Variants in PTPRM observed in about 807,000 individuals in gnomAD.
The protein encoded by PTPRM is protein tyrosine phosphatase receptor type M, also known as receptor-type tyrosine-protein phosphatase mu.
A neutral mutation model predicts 186.7 loss-of-function variants in PTPRM; 47 were observed. The observed-to-expected ratio is 0.25, with a 90% CI of 0.20 to 0.32. PTPRM has a LOEUF of 0.32. Ranked by LOEUF, PTPRM falls within the 10% of genes least tolerant of loss-of-function variation. The pLI, the probability that PTPRM is intolerant of heterozygous loss-of-function variation, is 1.00. For missense variants in PTPRM, 1,494 were observed against 1,865.0 expected, an observed-to-expected ratio of 0.80 and a Z score of 3.66; for synonymous variants, 668 against 674.9, an observed-to-expected ratio of 0.99 and a Z score of 0.16.
intron 7 of PTPRM, among the ~76,000 whole-genome samples, chr18:8,065,912 C>T (rs147453323): frequency 1.3e-5 from 2 of 152,236 alleles, no homozygotes; most frequent in East Asian, 1.9e-4. Flanking sequence ...CATTTGTTTC[C>T]TACAGTGTAA....
At chr18:7,596,556 G>A (rs1420740548) in intron 1 of PTPRM, among the ~76,000 whole-genome samples, 1 of 152,078 alleles carries the variant, frequency 6.6e-6, no homozygotes, top group Non-Finnish European at 1.5e-5. Flanking sequence ...ATTATTAGTT[G>A]TTAATCTTTT....
intron 1 of PTPRM, among the ~76,000 whole-genome samples, chr18:7,696,518 C>A (rs975598226): frequency 6.6e-6 from 1 of 152,170 alleles, no homozygotes; most frequent in Non-Finnish European, 1.5e-5. Context: ...ACTTCATTAG[C>A]TGTAGAGGTG....
At chr18:7,974,399 G>A (rs1257536685) in intron 7 of PTPRM, among the ~76,000 whole-genome samples, 1 of 152,166 alleles carries the variant, frequency 6.6e-6, no homozygotes, top group East Asian at 1.9e-4. Flanking sequence ...AGCTTACAGA[G>A]ATTCCCAGAG....
chr18:7,672,493 G>T (rs1411083859), intron 1 of PTPRM, among the ~76,000 whole-genome samples: 1 of 151,766 alleles, frequency 6.6e-6, no homozygotes, highest in Non-Finnish European at 1.5e-5. Context: ...GGAACAAAAA[G>T]AATGAGAAAC....
intron 9 of PTPRM, among the ~76,000 whole-genome samples, chr18:8,078,344 C>G (rs977823592): frequency 6.6e-6 from 1 of 152,176 alleles, no homozygotes; most frequent in African/African-American, 2.4e-5. Flanking sequence ...CATGTTGACC[C>G]AGATTCAGTA....
At chr18:8,282,422 G>A (rs780970169) in intron 19 of PTPRM, among the ~76,000 whole-genome samples, 2 of 152,196 alleles carry the variant, frequency 1.3e-5, no homozygotes, top group Non-Finnish European at 2.9e-5. Context: ...CAGCACTTTG[G>A]AAGGCTGAGG....
Position 8,376,147 on chromosome 18 carries a change from G to T in PTPRM, c.3273G>T (p.Arg1091=), listed in dbSNP as rs1488485475. Residue 1091 remains arginine (R), a synonymous_variant, in exon 25 of 33, where the codon CGG becomes CGT. Coordinates refer to ENST00000580170, the MANE Select transcript of PTPRM (RefSeq NM_001105244.2). ...CCACCGGCCTGCTGGGATTCGTGCG[G>T]CAAGTCAAGTCCAAGAGCCCGCCCA... ...YHATGLLGFV[R]QVKSKSPPSA... The T allele has an allele frequency of 6.2e-7, 1 of 1,613,858 alleles. No homozygotes were observed.
intron 1 of PTPRM, among the ~76,000 whole-genome samples, chr18:7,626,891 A>G (rs1567991355): frequency 6.6e-6 from 1 of 152,218 alleles, no homozygotes; most frequent in East Asian, 1.9e-4. Flanking sequence ...TGTAGACACA[A>G]GGTCTCGCTC....
At chr18:7,988,107 T>C (rs540681001) in intron 7 of PTPRM, among the ~76,000 whole-genome samples, 192 of 151,934 alleles carry the variant, frequency 1.3e-3, no homozygotes, top group African/African-American at 4.3e-3. Context: ...ATCGCTTGAG[T>C]CTGGGAGGTT....
chr18:7,795,086 A>G (rs1262655544), intron 2 of PTPRM, among the ~76,000 whole-genome samples: 4 of 152,196 alleles, frequency 2.6e-5, no homozygotes, highest in Non-Finnish European at 4.4e-5. Context: ...TGATCACCAG[A>G]TGTACTAAGA....
At chr18:7,723,370 T>TA (rs1487521461) in intron 1 of PTPRM, among the ~76,000 whole-genome samples, 8 of 152,312 alleles carry the variant, frequency 5.3e-5, no homozygotes, top group African/African-American at 1.9e-4. Context: ...AGTCAGTAGA[T>TA]ACCATTAACC....
chr18:8,295,414 G>A (rs75504305), intron 19 of PTPRM, among the ~76,000 whole-genome samples: 11,911 of 143,832 alleles, frequency 0.083, 538 homozygotes, highest in Non-Finnish European at 0.1. Context: ...AGAGAACTGA[G>A]AGAACTTGAA....
At position 8,394,451 on chromosome 18, in the gene PTPRM, A is replaced by T. The variant is rs543065190; in HGVS notation, c.4209-25A>T. On this transcript the variant is annotated intron_variant, in intron 31 of 32. Transcript: ENST00000580170. ...TGCAGTGTAAAGACAGACCGAGTGC[A>T]GTCATCTGATCTTTTTCACGACAGG... is the stretch of plus-strand genomic sequence containing the variant. 1.9e-6 allele frequency: 3 copies of T among 1,598,052 alleles called. No homozygotes were observed. The South Asian group carries it at 3.4e-5, about 18-fold the overall frequency.
chr18:8,048,321 A>C lies in PTPRM; in HGVS notation c.1133-21365A>C, dbSNP rs149274271. ...AGTTGTTTTATTTGTAACAGAAATAATTTCAAGTTAGAACCTGTATTTTCC... is the reference window on the plus strand; with the variant it reads ...AGTTGTTTTATTTGTAACAGAAATACTTTCAAGTTAGAACCTGTATTTTCC... On this transcript the variant is annotated intron_variant, in intron 7 of 32. Coordinates refer to ENST00000580170, the MANE Select transcript of PTPRM (RefSeq NM_001105244.2). Among the ~76,000 whole-genome samples the C allele has an allele frequency of 2.3e-3, 353 of 152,230 alleles. 5 individuals carry two copies. In the South Asian group the frequency reaches 0.03, roughly 13 times the overall value.
At chr18:7,979,573 G>A (rs537135946) in intron 7 of PTPRM, among the ~76,000 whole-genome samples, 6 of 152,130 alleles carry the variant, frequency 3.9e-5, no homozygotes, top group South Asian at 2.1e-4. Flanking sequence ...CCCAAAGATC[G>A]TGCAGAGCTC....
At chr18:7,942,644 G>A (rs140972825) in intron 5 of PTPRM, among the ~76,000 whole-genome samples, 4 of 151,938 alleles carry the variant, frequency 2.6e-5, no homozygotes, top group East Asian at 2.0e-4. Flanking sequence ...CCTGCTTGGT[G>A]GGGGGGCGGG....
At chr18:7,634,211 G>A (rs1043971589) in intron 1 of PTPRM, among the ~76,000 whole-genome samples, 2 of 151,980 alleles carry the variant, frequency 1.3e-5, no homozygotes, top group Non-Finnish European at 2.9e-5. Context: ...CCGTGAGAAT[G>A]TTCATTCCAT....
chr18:7,987,822 A>G (rs1436716136), intron 7 of PTPRM, among the ~76,000 whole-genome samples: 1 of 152,130 alleles, frequency 6.6e-6, no homozygotes, highest in Non-Finnish European at 1.5e-5. Flanking sequence ...TTATTTTGAA[A>G]TTTTAAGTAA....
At chr18:7,691,831 C>T (rs117719904) in intron 1 of PTPRM, among the ~76,000 whole-genome samples, 5,932 of 151,178 alleles carry the variant, frequency 0.039, 314 homozygotes, top group African/African-American at 0.1. Context: ...GCTACTCAGG[C>T]GGCTGAGGTG....
Sources: gnomAD v4.1 joint callset for allele counts (sites outside exome capture counted in the v4.1 genomes callset) on GRCh38, gnomAD v4.1.1 for gene constraint, MANE v1.5 for transcripts, NCBI Gene and HGNC (gene_info 2026-07-23, HGNC 2026-07-21) for gene names.